COPG2: variants seen among roughly 807,000 people sequenced by gnomAD.
COPG2 encodes the protein coatomer subunit gamma-2.
A neutral mutation model predicts 46.3 loss-of-function variants in COPG2; 37 were observed. The ratio of observed to expected loss-of-function variants is 0.80; its 90% CI spans 0.61 to 1.05. COPG2 has a LOEUF of 1.05. Ranked by LOEUF, COPG2 falls within the 50% of genes least tolerant of loss-of-function variation. COPG2 has a pLI of 0.00. For synonymous variants in COPG2, 159 were observed against 129.7 expected (o/e 1.23, Z -1.53); for missense variants, 427 against 387.8 (o/e 1.10, Z -0.85).
At chr7:130,537,426 G>C (rs1195308822) in intron 20 of COPG2, among the ~76,000 whole-genome samples, 1 of 149,980 alleles carries the variant, frequency 6.7e-6, no homozygotes, top group African/African-American at 2.5e-5. Context: ...CTGAGAACAC[G>C]AATTAGGCCA....
At chr7:130,590,993 T>TG in intron 9 of COPG2, among the ~76,000 whole-genome samples, 1 of 148,398 alleles carries the variant, frequency 6.7e-6, no homozygotes, top group East Asian at 2.1e-4. Flanking sequence ...CCACCCCGTC[T>TG]GGGAAGTGAG....
chr7:130,557,282 T>C (rs1793642546), intron 12 of COPG2, among the ~76,000 whole-genome samples: 1 of 152,116 alleles, frequency 6.6e-6, no homozygotes, highest in Non-Finnish European at 1.5e-5. Flanking sequence ...TATTTAGAAA[T>C]AAGCATTTTA....
intron 4 of COPG2, among the ~76,000 whole-genome samples, chr7:130,653,345 C>T (rs917972633): frequency 2.6e-5 from 4 of 152,160 alleles, no homozygotes; most frequent in Admixed American, 6.5e-5. Flanking sequence ...CCTCCGCCTC[C>T]GGGGTTCAAG....
At chr7:130,644,848 G>A (rs1253256504) in intron 5 of COPG2, among the ~76,000 whole-genome samples, 1 of 152,014 alleles carries the variant, frequency 6.6e-6, no homozygotes, top group Non-Finnish European at 1.5e-5. Flanking sequence ...GATCACCTGA[G>A]GTCACAAGTT....
At chr7:130,655,005 C>T (rs979931715) in intron 4 of COPG2, among the ~76,000 whole-genome samples, 2 of 152,034 alleles carry the variant, frequency 1.3e-5, no homozygotes, top group Non-Finnish European at 2.9e-5. Context: ...TTCTTTACAA[C>T]TTAAGCATAT....
At chr7:130,593,783 T>A (rs879989069) in intron 9 of COPG2, among the ~76,000 whole-genome samples, 2 of 152,014 alleles carry the variant, frequency 1.3e-5, no homozygotes, top group Non-Finnish European at 2.9e-5. Context: ...AATGAAACAA[T>A]TCCAGGTAGA....
intron 5 of COPG2, among the ~76,000 whole-genome samples, chr7:130,629,966 G>A (rs1554454928): frequency 6.8e-6 from 1 of 147,092 alleles, no homozygotes; most frequent in Admixed American, 6.8e-5. Context: ...CGCCCAGGCT[G>A]TAGTGCAATG....
At chr7:130,508,409 T>G in intron 21 of COPG2, 153 bp downstream of exon 21, 1 of 585,412 alleles carries the variant, frequency 1.7e-6, no homozygotes, top group Non-Finnish European at 3.0e-6. Context: ...CAGAGGAGGG[T>G]TAGTCCAGGT....
rs201834380 is a variant in COPG2, at chr7:130,611,040, T to A, written c.650A>T (p.Lys217Met). Residue 217 changes from lysine (K) to methionine (M), a missense_variant, in exon 9 of 24, where the codon AAG becomes ATG. By Grantham distance (95) the Lys-to-Met change is moderately conservative. Transcript: ENST00000425248. The stretch of plus-strand genomic sequence containing the variant: ...TGACTTGAGACCAGATTTAGTAAAC[T>A]TATTCAACATCTTGGAAACAGCAAG... ...DRLAVSKMLNKFTKSGLKSQF... is the reference protein window; with the variant it reads ...DRLAVSKMLNMFTKSGLKSQF... 81 of 1,613,778 alleles carry A rather than the reference T, an allele frequency of 5.0e-5. No individual in the cohort carries two copies. In the African/African-American group the frequency reaches 9.3e-4, roughly 19 times the overall value.
At chr7:130,594,714 C>G (rs966922277) in intron 9 of COPG2, among the ~76,000 whole-genome samples, 1 of 152,162 alleles carries the variant, frequency 6.6e-6, no homozygotes, top group Admixed American at 6.5e-5. Context: ...ATAGGCATCT[C>G]TCCAAAGAAG....
chr7:130,583,403 G>T (rs1378712984), intron 9 of COPG2, among the ~76,000 whole-genome samples: 1 of 148,054 alleles, frequency 6.8e-6, no homozygotes, highest in Non-Finnish European at 1.5e-5. Context: ...GCTAGATGAC[G>T]AGTTAGTGGG....
At chr7:130,529,795 G>T (rs1322081160) in intron 20 of COPG2, among the ~76,000 whole-genome samples, 4 of 152,222 alleles carry the variant, frequency 2.6e-5, no homozygotes, top group Non-Finnish European at 5.9e-5. Context: ...AGGTAGAAGT[G>T]TGTTTGCAAA....
rs540330924 is a variant in COPG2, at chr7:130,651,754, G to A, written c.323+1115C>T. Among the ~76,000 whole-genome samples, 97 of 151,000 alleles carry A rather than the reference G, an allele frequency of 6.4e-4. No individual in the cohort carries two copies. The South Asian group carries it at 0.014, about 22-fold the overall frequency. ...GATGGTCTCGATCTCCTGACCTCATGATCCACCCGCCTCGGCCTCCCAAAG... is the reference window on the plus strand; with the variant it reads ...GATGGTCTCGATCTCCTGACCTCATAATCCACCCGCCTCGGCCTCCCAAAG... On this transcript the variant is annotated intron_variant, in intron 5 of 23. Transcript: ENST00000425248.
chr7:130,593,261 G>A (rs1393631451), intron 9 of COPG2, among the ~76,000 whole-genome samples: 1 of 152,224 alleles, frequency 6.6e-6, no homozygotes, highest in Admixed American at 6.5e-5. Flanking sequence ...ATCACTAACT[G>A]CAACTGGGAA....
At position 130,657,868 on chromosome 7, in the gene COPG2, T is replaced by C. The variant is rs1347506557; in HGVS notation, c.244-4920A>G. Among the ~76,000 whole-genome samples, 3 of 150,264 alleles carry C rather than the reference T, an allele frequency of 2.0e-5. No individual in the cohort carries two copies. In the East Asian group the frequency reaches 6.1e-4, roughly 31 times the overall value. On this transcript the variant is annotated intron_variant, in intron 4 of 23. Transcript: ENST00000425248. ...ATACACCTATCAGAATAGCTAAAAT[T>C]AAAAACAAAAATAAAAACGACAATA...
At chr7:130,638,479 G>C (rs1234307562) in intron 5 of COPG2, among the ~76,000 whole-genome samples, 1 of 152,208 alleles carries the variant, frequency 6.6e-6, no homozygotes, top group Non-Finnish European at 1.5e-5. Context: ...CCGAGCTGCA[G>C]TGGGTTCCGC....
chr7:130,564,309 G>A lies in COPG2; in HGVS notation c.822C>T (p.Ile274=), dbSNP rs1423941337. The A allele has an allele frequency of 5.0e-6, 2 of 398,452 alleles. No homozygotes were observed. The highest frequency in any genetic ancestry group is 8.8e-6 in the Non-Finnish European group (2 of 226,050). 24.7% of individuals were successfully genotyped at this position (398,452 alleles called of 1,614,324 possible). Residue 274 remains isoleucine, a synonymous_variant, in exon 10 of 24, where the codon ATC becomes ATT. Coordinates refer to ENST00000425248, the MANE Select transcript of COPG2 (RefSeq NM_012133.6). The stretch of plus-strand genomic sequence containing the variant: ...TTGCAGTGCAGTTAGGAAGATGGAT[G>A]ATAGCTGAAGCAGCTTCATAAATAA... The part of the protein sequence containing the change: ...EMVIYEAASA[I]IHLPNCTARE...
At chr7:130,519,856 T>C (rs1045393267) in intron 20 of COPG2, among the ~76,000 whole-genome samples, 70,358 of 151,642 alleles carry the variant, frequency 0.46, 17,801 homozygotes, top group East Asian at 0.59. Context: ...GCAGAAGAAC[T>C]GTATACAGAA....
At chr7:130,534,439 G>A (rs1340967427) in intron 20 of COPG2, among the ~76,000 whole-genome samples, 1 of 152,096 alleles carries the variant, frequency 6.6e-6, no homozygotes, top group Non-Finnish European at 1.5e-5. Context: ...TCCAAGAGTG[G>A]GAGAAAGATA....
Sources: allele counts gnomAD v4.1 joint callset (sites outside exome capture counted in the v4.1 genomes callset), GRCh38; gene constraint gnomAD v4.1.1; transcripts MANE v1.5; gene names NCBI Gene and HGNC (gene_info 2026-07-23, HGNC 2026-07-21).